ARHGAP22: variants seen among roughly 807,000 people sequenced by gnomAD.
ARHGAP22 encodes the protein Rho GTPase activating protein 22, also known as rho GTPase-activating protein 22.
ARHGAP22 carries 48 observed loss-of-function variants against 59.1 expected under a neutral mutation model. The ratio of observed to expected loss-of-function variants is 0.81; its 90% CI spans 0.64 to 1.03. ARHGAP22 has a LOEUF of 1.03. ARHGAP22 is among the 50% of genes least tolerant of loss of function. The probability of loss-of-function intolerance (pLI) is 0.00; values close to 1 mark genes in which losing one functional copy is unlikely to be tolerated. For synonymous variants in ARHGAP22, 445 were observed against 416.4 expected (o/e 1.07, Z -0.84); for missense variants, 1,015 against 958.7 (o/e 1.06, Z -0.78).
rs1266208014 is a variant in ARHGAP22, at chr10:48,517,565, T to G, written c.323-37801A>C. Among the ~76,000 whole-genome samples, 3 of 152,198 alleles carry G rather than the reference T, an allele frequency of 2.0e-5. No homozygotes were observed. In the East Asian group the frequency reaches 5.8e-4, roughly 29 times the overall value. On this transcript the variant is annotated intron_variant, in intron 3 of 9. Coordinates refer to ENST00000249601, the MANE Select transcript of ARHGAP22 (RefSeq NM_021226.4). ...CTCTGAAGCTCTCTAGGAGACTTGC[T>G]GCCCTAAGGGCCGAGGTCAGGGACT...
chr10:48,436,179 A>G, the ARHGAP22 span: 1 of 152,270 alleles, frequency 6.6e-6, no homozygotes, highest in Non-Finnish European at 1.5e-5. Context: ...GCACACAGCC[A>G]TATATAGGAT....
intron 3 of ARHGAP22, among the ~76,000 whole-genome samples, chr10:48,539,896 A>T (rs1201033877): frequency 6.6e-6 from 1 of 152,206 alleles, no homozygotes; most frequent in Admixed American, 6.5e-5. Flanking sequence ...AATTTAAACT[A>T]ATTTATAGCC....
chr10:48,493,331 A>T, intron 3 of ARHGAP22: 1 of 1,158,432 alleles, frequency 8.6e-7, no homozygotes, highest in Non-Finnish European at 1.2e-6. Context: ...ATTTCTCTTT[A>T]CCTGGTTGCG....
upstream of ARHGAP22, chr10:48,656,265 T>TGGGGGGGGGGGGGGGGG (rs760924651): frequency 9.8e-6 from 1 of 101,642 alleles, no homozygotes; most frequent in Non-Finnish European, 1.9e-5. Flanking sequence ...TCGGCGCCTC[T>TGGGGGGGGGGGGGGGGG]GGGGGGGGGG....
chr10:48,520,706 C>T (rs2053724065), intron 3 of ARHGAP22, among the ~76,000 whole-genome samples: 1 of 152,022 alleles, frequency 6.6e-6, no homozygotes, highest in African/African-American at 2.4e-5. Flanking sequence ...GTGAGGATGT[C>T]GGGAAGAGCA....
the ARHGAP22 span, chr10:48,439,450 G>A: frequency 2.0e-5 from 3 of 151,800 alleles, no homozygotes; most frequent in South Asian, 4.2e-4. Flanking sequence ...GATAAAAGGG[G>A]TCTTGCTAGG....
intron 1 of ARHGAP22, among the ~76,000 whole-genome samples, chr10:48,647,502 A>C (rs1382977079): frequency 1.3e-5 from 2 of 152,214 alleles, no homozygotes; most frequent in Admixed American, 1.3e-4. Flanking sequence ...TCCCCAATAA[A>C]ATACCACTTT....
chr10:48,510,903 A>G (rs752949439), intron 3 of ARHGAP22: 1 of 151,988 alleles, frequency 6.6e-6, no homozygotes, highest in African/African-American at 2.4e-5. Flanking sequence ...ATCTCCATGG[A>G]CCTCTCCTCC....
At chr10:48,633,713 G>A (rs2061706824) in intron 1 of ARHGAP22, among the ~76,000 whole-genome samples, 1 of 152,226 alleles carries the variant, frequency 6.6e-6, no homozygotes, top group Non-Finnish European at 1.5e-5. Flanking sequence ...GCCAGCAGCA[G>A]GGAGGGAGGG....
chr10:48,468,961 C>A (rs911394763), intron 4 of ARHGAP22, among the ~76,000 whole-genome samples: 1 of 152,138 alleles, frequency 6.6e-6, no homozygotes, highest in Admixed American at 6.5e-5. Context: ...GGCATTCCCA[C>A]GGCCCAGGGA....
the ARHGAP22 span, among the ~76,000 whole-genome samples, chr10:48,432,708 T>G: frequency 6.6e-6 from 1 of 152,212 alleles, no homozygotes; most frequent in Non-Finnish European, 1.5e-5. Context: ...GTAAATGTAA[T>G]AATTTCATGA....
At position 48,640,501 on chromosome 10, in the gene ARHGAP22, A is replaced by T. The variant is rs187201884; in HGVS notation, c.52+11733T>A. On this transcript the variant is annotated intron_variant, in intron 1 of 9. Coordinates refer to the ARHGAP22 transcript ENST00000435790. ...AAAGAAAAATGTCTTGTCACATGAA[A>T]GGGAGTACTGATGCAATTAACAGTT... Among the ~76,000 whole-genome samples the T allele has an allele frequency of 1.5e-3, 234 of 152,356 alleles. 1 individual carries two copies. Among genetic ancestry groups the T allele is most frequent in the African/African-American group, 5.3e-3 (220 of 41,590 alleles).
At chr10:48,476,925 G>A (rs566476411) in intron 4 of ARHGAP22, among the ~76,000 whole-genome samples, 15 of 152,310 alleles carry the variant, frequency 9.8e-5, no homozygotes, top group African/African-American at 3.6e-4. Context: ...CCCCTTGCTG[G>A]CTGTGTCATC....
At chr10:48,438,225 A>T in the ARHGAP22 span, 1 of 152,230 alleles carries the variant, frequency 6.6e-6, no homozygotes, top group Non-Finnish European at 1.5e-5. Flanking sequence ...ACCAAACACC[A>T]TTCTGTCATT....
chr10:48,574,288 C>T (rs2135518186), intron 2 of ARHGAP22, among the ~76,000 whole-genome samples: 1 of 152,130 alleles, frequency 6.6e-6, no homozygotes, highest in East Asian at 1.9e-4. Flanking sequence ...TTACTGGATA[C>T]CAATTATGTG....
chr10:48,441,451 A>ATTT (rs35254382), downstream of ARHGAP22, among the ~76,000 whole-genome samples: 217 of 131,970 alleles, frequency 1.6e-3, 3 homozygotes, highest in African/African-American at 5.7e-3. Flanking sequence ...AACCAAAGGC[A>ATTT]TTTTTTTTTT....
intron 9 of ARHGAP22, 66 bp downstream of exon 9, chr10:48,450,195 C>G (rs1400166110): frequency 1.9e-6 from 3 of 1,559,184 alleles, no homozygotes; most frequent in Admixed American, 3.8e-5. Flanking sequence ...CGCCCATGTG[C>G]CAAGAGCACG....
chr10:48,481,692 CCACA>C (rs994224911), intron 3 of ARHGAP22, among the ~76,000 whole-genome samples: 3 of 152,130 alleles, frequency 2.0e-5, no homozygotes, highest in African/African-American at 7.2e-5. Flanking sequence ...AAGGAAATGG[CCACA>C]CACTGTTCTG....
intron 2 of ARHGAP22, among the ~76,000 whole-genome samples, chr10:48,557,466 T>C (rs533364506): frequency 4.4e-4 from 67 of 152,230 alleles, no homozygotes; most frequent in Non-Finnish European, 8.7e-4. Flanking sequence ...CTGGATTTAA[T>C]GTAGAGACCC....
Sources: gnomAD v4.1 joint callset for allele counts (sites outside exome capture counted in the v4.1 genomes callset) on GRCh38, gnomAD v4.1.1 for gene constraint, MANE v1.5 for transcripts, NCBI Gene and HGNC (gene_info 2026-07-23, HGNC 2026-07-21) for gene names.